The following KAZN variants were observed in gnomAD, a reference collection of about 807,000 sequenced individuals.
The protein encoded by KAZN is kazrin, periplakin interacting protein.
A neutral mutation model predicts 87.4 loss-of-function variants in KAZN; 40 were observed. The ratio of observed to expected loss-of-function variants is 0.46; its 90% confidence interval spans 0.36 to 0.60. KAZN has a LOEUF of 0.60. Among genes scored for constraint, KAZN ranks in the 20% least tolerant of loss-of-function variants. The pLI is 0.00. For missense variants in KAZN, 898 were observed against 1,073.9 expected (o/e 0.84, Z 2.29); for synonymous variants, 466 against 458.3 (o/e 1.02, Z -0.22).
At chr1:14,626,266 T>C (rs556860406) in intron 1 of KAZN, among the ~76,000 whole-genome samples, 2 of 152,234 alleles carry the variant, frequency 1.3e-5, no homozygotes, top group Non-Finnish European at 2.9e-5. Context: ...TTCATGAGTT[T>C]AGATTCTGAC....
At chr1:14,812,398 C>T (rs1646439775) in intron 1 of KAZN, among the ~76,000 whole-genome samples, 2 of 152,188 alleles carry the variant, frequency 1.3e-5, no homozygotes, top group South Asian at 2.1e-4. Flanking sequence ...GTCTTCAACT[C>T]GTCTTCAGTG....
At chr1:14,406,875 G>C (rs1014405167) in intron 2 of KAZN, among the ~76,000 whole-genome samples, 1 of 152,104 alleles carries the variant, frequency 6.6e-6, no homozygotes. Flanking sequence ...GTAAAAGACA[G>C]CTAATAATAG....
At chr1:14,959,563 C>T (rs978890318) in intron 1 of KAZN, among the ~76,000 whole-genome samples, 14 of 152,150 alleles carry the variant, frequency 9.2e-5, no homozygotes, top group South Asian at 2.1e-4. Context: ...GACCAGCATG[C>T]GGCTGGTGAG....
chr1:15,007,707 G>A (rs1402494089), intron 2 of KAZN, among the ~76,000 whole-genome samples: 1 of 152,220 alleles, frequency 6.6e-6, no homozygotes, highest in Admixed American at 6.5e-5. Context: ...CAGATGATTA[G>A]CAGGCCCGGC....
chr1:14,059,559 C>T (rs750905056), intron 1 of KAZN, among the ~76,000 whole-genome samples: 1 of 152,230 alleles, frequency 6.6e-6, no homozygotes, highest in Non-Finnish European at 1.5e-5. Context: ...GGGTTTTCTT[C>T]TCCCAGTCCA....
At chr1:13,983,025 G>A (rs1423775476) in intron 1 of KAZN, among the ~76,000 whole-genome samples, 2 of 152,214 alleles carry the variant, frequency 1.3e-5, no homozygotes, top group East Asian at 3.9e-4. Context: ...AGTGCCCATT[G>A]GTGTATTTAC....
intron 1 of KAZN, among the ~76,000 whole-genome samples, chr1:14,697,132 C>G (rs1253167526): frequency 9.6e-6 from 1 of 103,736 alleles, no homozygotes; most frequent in Admixed American, 1.0e-4. Flanking sequence ...TCTGTACAAA[C>G]AAACCAACAA....
chr1:14,846,844 T>A (rs1186702978), intron 1 of KAZN, among the ~76,000 whole-genome samples: 1 of 152,158 alleles, frequency 6.6e-6, no homozygotes, highest in Non-Finnish European at 1.5e-5. Context: ...AAGGTGACTG[T>A]GGTTCAGAGA....
chr1:14,766,760 C>T (rs1644895623), intron 1 of KAZN, among the ~76,000 whole-genome samples: 4 of 151,496 alleles, frequency 2.6e-5, no homozygotes, highest in Admixed American at 1.3e-4. Flanking sequence ...CCACTAACCA[C>T]TCTGAACTTC....
At chr1:14,006,302 T>C (rs543412792) in intron 1 of KAZN, among the ~76,000 whole-genome samples, 34 of 152,294 alleles carry the variant, frequency 2.2e-4, no homozygotes, top group African/African-American at 7.5e-4. Flanking sequence ...GCCAGCTGCC[T>C]TACAAGTATG....
chr1:14,131,201 A>G (rs1644985269), intron 1 of KAZN, among the ~76,000 whole-genome samples: 1 of 152,160 alleles, frequency 6.6e-6, no homozygotes. Flanking sequence ...GCAAGGAGGA[A>G]ATCTGCTCCC....
intron 1 of KAZN, among the ~76,000 whole-genome samples, chr1:14,139,232 C>G (rs1205461318): frequency 6.6e-6 from 1 of 152,216 alleles, no homozygotes; most frequent in Non-Finnish European, 1.5e-5. Flanking sequence ...TTGCCCATAG[C>G]CCATTGCTGC....
intron 2 of KAZN, among the ~76,000 whole-genome samples, chr1:14,418,657 CAGG>C (rs1250600281): frequency 6.6e-6 from 1 of 152,168 alleles, no homozygotes; most frequent in Non-Finnish European, 1.5e-5. Context: ...AGGCATTTTT[CAGG>C]AGATCCAATG....
chr1:14,849,353 C>T (rs1649162062), intron 1 of KAZN, among the ~76,000 whole-genome samples: 1 of 152,196 alleles, frequency 6.6e-6, no homozygotes, highest in South Asian at 2.1e-4. Flanking sequence ...TCGTCATCCT[C>T]ATCAACAATA....
At chr1:14,772,984 A>G (rs527238281) in intron 1 of KAZN, among the ~76,000 whole-genome samples, 1 of 151,966 alleles carries the variant, frequency 6.6e-6, no homozygotes, top group East Asian at 1.9e-4. Context: ...TCTCTCTTCC[A>G]TGGTTCCCCA....
At position 15,115,950 on chromosome 1, in the gene KAZN, G is replaced by A. The variant is rs942037144; in HGVS notation, c.*1315G>A. On this transcript the variant is annotated 3_prime_UTR_variant, in exon 15 of 15. Transcript: ENST00000376030. The surrounding 1 kb of genome is among the most constrained non-coding windows in gnomAD (Gnocchi z 4.1). Reference sequence around the variant, plus strand: ...CTCCAACTCTTTAGGTTGAAGCAGTGTGCAAAAGGAAGAAAAGAAATGTTT... The same window carrying A: ...CTCCAACTCTTTAGGTTGAAGCAGTATGCAAAAGGAAGAAAAGAAATGTTT... 6.6e-6 allele frequency: 1 copy of A among 152,218 alleles called. No individual in the cohort carries two copies. Among genetic ancestry groups the A allele is most frequent in the Non-Finnish European group, 1.5e-5 (1 of 68,052 alleles). 9.4% of individuals were successfully genotyped at this position (152,218 alleles called of 1,614,324 possible).
rs148967687 is a variant in KAZN at position 14,183,806 on chromosome 1, G to A, written c.249+3214G>A. Among the ~76,000 whole-genome samples, 976 of 152,258 alleles carry A rather than the reference G, an allele frequency of 6.4e-3. 14 individuals carry two copies. The highest frequency in any genetic ancestry group is 0.043 in the South Asian group (207 of 4,818). ...TGGCAGGAAGGTCCCCCTCTTGAAG[G>A]CCGAGTGCTAAAGGGTAGAGAACTT... is the stretch of plus-strand genomic sequence containing the variant. On this transcript the variant is annotated intron_variant, in intron 2 of 16. Transcript: ENST00000636203.
intron 13 of KAZN, 135 bp from the exon 14 acceptor site, chr1:15,112,292 A>T (rs894668198): frequency 3.0e-5 from 20 of 660,974 alleles, no homozygotes; most frequent in Non-Finnish European, 1.1e-5. Context: ...CGTGGGAGGT[A>T]ATCAGTCGGT....
At chr1:13,935,654 A>G (rs1480356345) in intron 1 of KAZN, among the ~76,000 whole-genome samples, 1 of 152,176 alleles carries the variant, frequency 6.6e-6, no homozygotes, top group Non-Finnish European at 1.5e-5. Context: ...ATAAGCCACA[A>G]ACACATGTGT....
Sources: allele counts gnomAD v4.1 joint callset (sites outside exome capture counted in the v4.1 genomes callset), GRCh38; gene constraint gnomAD v4.1.1; non-coding constraint Gnocchi (gnomAD v3.1); transcripts MANE v1.5; gene names NCBI Gene and HGNC (gene_info 2026-07-23, HGNC 2026-07-21).